The following DLG2 variants were observed in gnomAD, a reference collection of about 807,000 sequenced individuals.
DLG2 encodes the protein disks large homolog 2.
DLG2 carries 45 observed loss-of-function variants against 132.5 expected under a neutral mutation model. That is an observed-to-expected ratio of 0.34 (90% CI 0.27 to 0.44). The LOEUF (loss-of-function observed/expected upper bound fraction) is 0.44, where lower values mean the gene tolerates loss of function less well. Ranked by LOEUF, DLG2 falls within the 20% of genes least tolerant of loss-of-function variation. The probability of loss-of-function intolerance (pLI) is 1.00; values close to 1 mark genes in which losing one functional copy is unlikely to be tolerated. For missense variants in DLG2, 1,045 were observed against 1,196.9 expected (o/e 0.87, Z 1.87); for synonymous variants, 424 against 419.6 (o/e 1.01, Z -0.13).
chr11:85,613,930 C>T (rs1353077172), intron 2 of DLG2, among the ~76,000 whole-genome samples: 1 of 152,196 alleles, frequency 6.6e-6, no homozygotes, highest in South Asian at 2.1e-4. Flanking sequence ...AGACCACAAA[C>T]CCACCAGGAG....
At chr11:84,155,394 G>A (rs1056351240) in intron 9 of DLG2, among the ~76,000 whole-genome samples, 5 of 151,470 alleles carry the variant, frequency 3.3e-5, no homozygotes, top group African/African-American at 7.3e-5. Flanking sequence ...AGATCTATTC[G>A]AAGTGTGATG....
intron 6 of DLG2, among the ~76,000 whole-genome samples, chr11:84,538,404 C>T (rs960094548): frequency 1.3e-5 from 2 of 152,116 alleles, no homozygotes; most frequent in Non-Finnish European, 1.5e-5. Context: ...GGAACATTAC[C>T]CTTAGGTGAT....
chr11:84,067,240 A>C (rs539898915), intron 10 of DLG2, among the ~76,000 whole-genome samples: 1 of 152,138 alleles, frequency 6.6e-6, no homozygotes, highest in East Asian at 1.9e-4. Context: ...AGGCTGAGGC[A>C]GGAGAATCGC....
chr11:83,940,782 C>T (rs2082475119), intron 14 of DLG2, among the ~76,000 whole-genome samples: 5 of 152,178 alleles, frequency 3.3e-5, no homozygotes, highest in African/African-American at 4.8e-5. Context: ...TGATCTTGGG[C>T]AGGTTGTTTA....
intron 6 of DLG2, among the ~76,000 whole-genome samples, chr11:84,826,309 AT>A (rs955184850): frequency 2.0e-5 from 3 of 151,766 alleles, no homozygotes; most frequent in Non-Finnish European, 2.9e-5. Flanking sequence ...CTTTCTAACT[AT>A]TTTTTTGTAC....
At chr11:83,983,216 C>CATATTG (rs1420657726) in intron 11 of DLG2, among the ~76,000 whole-genome samples, 1 of 152,034 alleles carries the variant, frequency 6.6e-6, no homozygotes, top group Non-Finnish European at 1.5e-5. Flanking sequence ...TCATTCAGTA[C>CATATTG]AATACTTGCA....
intron 8 of DLG2, chr11:84,167,073 A>G (rs2095685685): frequency 7.8e-6 from 4 of 511,484 alleles, no homozygotes; most frequent in Middle Eastern, 3.4e-4. Context: ...TGAGAACTAG[A>G]AAAATCAGAG....
chr11:84,762,255 T>C (rs1162739038), intron 6 of DLG2: 1 of 152,212 alleles, frequency 6.6e-6, no homozygotes, highest in Non-Finnish European at 1.5e-5. Flanking sequence ...CCTCAAATAT[T>C]AAGAATACAC....
At chr11:85,199,628 G>A (rs568730109) in intron 4 of DLG2, among the ~76,000 whole-genome samples, 2 of 152,180 alleles carry the variant, frequency 1.3e-5, no homozygotes, top group Non-Finnish European at 2.9e-5. Context: ...CACTCAAGGT[G>A]ATTCTTATGA....
intron 7 of DLG2, among the ~76,000 whole-genome samples, chr11:84,259,010 G>A (rs190286373): frequency 1.6e-4 from 25 of 152,250 alleles, no homozygotes; most frequent in African/African-American, 6.0e-4. Context: ...AGTGGATCAT[G>A]ACTGTAATCC....
At chr11:84,793,297 T>C (rs958983623) in intron 6 of DLG2, among the ~76,000 whole-genome samples, 3 of 152,232 alleles carry the variant, frequency 2.0e-5, no homozygotes, top group Admixed American at 6.5e-5. Flanking sequence ...ATTTTTTAAA[T>C]GTTTTAAGGC....
chr11:83,793,807 A>G (rs1048578928), intron 17 of DLG2, among the ~76,000 whole-genome samples: 2 of 152,216 alleles, frequency 1.3e-5, no homozygotes, highest in Non-Finnish European at 2.9e-5. Context: ...CATTTCTTCA[A>G]AGAGCTGTGA....
At chr11:83,821,439 T>C (rs1245676977) in intron 17 of DLG2, among the ~76,000 whole-genome samples, 3 of 152,166 alleles carry the variant, frequency 2.0e-5, no homozygotes, top group Non-Finnish European at 4.4e-5. Flanking sequence ...ATGAATGGAT[T>C]TTAAATAATG....
chr11:83,876,010 T>C (rs1449712200), intron 15 of DLG2, among the ~76,000 whole-genome samples: 1 of 152,208 alleles, frequency 6.6e-6, no homozygotes, highest in Non-Finnish European at 1.5e-5. Flanking sequence ...AGATATTCAT[T>C]GATCATGTTT....
chr11:83,693,295 T>C (rs2081307259), intron 18 of DLG2, among the ~76,000 whole-genome samples: 1 of 152,122 alleles, frequency 6.6e-6, no homozygotes, highest in African/African-American at 2.4e-5. Context: ...AATTTGAGCA[T>C]TATTTTAGTA....
At position 85,311,317 on chromosome 11, in the gene DLG2, C is replaced by T. The variant is rs574196409; in HGVS notation, c.41-25952G>A. Among the ~76,000 whole-genome samples the T allele has an allele frequency of 1.4e-4, 21 of 152,212 alleles. 2 individuals carry two copies. The South Asian group carries it at 3.7e-3, about 27-fold the overall frequency. On this transcript the variant is annotated intron_variant, in intron 3 of 27. Transcript: ENST00000376104. Reference sequence around the variant, plus strand: ...CATATGCCAGAAACTAAGCACTTGCCATTTATTATCTCAGTTAATCTTCAC... The same window carrying T: ...CATATGCCAGAAACTAAGCACTTGCTATTTATTATCTCAGTTAATCTTCAC...
intron 6 of DLG2, among the ~76,000 whole-genome samples, chr11:85,097,106 G>A (rs932307592): frequency 6.6e-6 from 1 of 152,082 alleles, no homozygotes; most frequent in African/African-American, 2.4e-5. Context: ...GGGTCCTAAC[G>A]CCTGTCAGAC....
chr11:83,725,160 TCTCA>T, intron 18 of DLG2: 1 of 452,804 alleles, frequency 2.2e-6, no homozygotes, highest in Non-Finnish European at 4.0e-6. Flanking sequence ...ATGTTGGCTA[TCTCA>T]CTCACCTCTT....
intron 6 of DLG2, among the ~76,000 whole-genome samples, chr11:84,655,711 C>T (rs573226217): frequency 2.0e-5 from 3 of 151,006 alleles, no homozygotes; most frequent in African/African-American, 7.3e-5. Flanking sequence ...AAATGATGAC[C>T]AAACTGTACT....
Sources: allele counts gnomAD v4.1 joint callset (sites outside exome capture counted in the v4.1 genomes callset), GRCh38; gene constraint gnomAD v4.1.1; transcripts MANE v1.5; gene names NCBI Gene and HGNC (gene_info 2026-07-23, HGNC 2026-07-21).